Variants in GPC6 observed in about 807,000 individuals in gnomAD.
The protein encoded by GPC6 is glypican-6.
In GPC6, 14 loss-of-function variants were observed where a neutral mutation model predicts 55.2. The ratio of observed to expected loss-of-function variants is 0.25; its 90% CI spans 0.17 to 0.40. GPC6 has a LOEUF of 0.40. Ranked by LOEUF, GPC6 falls within the 10% of genes least tolerant of loss-of-function variation. GPC6 has a pLI of 1.00. For synonymous variants in GPC6, 278 were observed against 259.6 expected, an observed-to-expected ratio of 1.07 and a Z score of -0.68; for missense variants, 641 against 708.5, an observed-to-expected ratio of 0.90 and a Z score of 1.08.
In GPC6 at chr13:94,139,794, G is replaced by T. The variant is rs187232168; in HGVS notation, c.877+111900G>T. Among the ~76,000 whole-genome samples the T allele has an allele frequency of 5.9e-5, 9 of 152,270 alleles. No individual in the cohort carries two copies. The East Asian group carries it at 1.7e-3, about 29-fold the overall frequency. On this transcript the variant is annotated intron_variant, in intron 4 of 8. Coordinates refer to ENST00000377047, the MANE Select transcript of GPC6 (RefSeq NM_005708.5). The stretch of plus-strand genomic sequence containing the variant: ...CTGCAAACACAGCTTCTACTGACTA[G>T]CAAGACCCCTGCCTGTTTCCTTAGT...
intron 4 of GPC6, among the ~76,000 whole-genome samples, chr13:94,037,922 T>C (rs1883396252): frequency 6.6e-6 from 1 of 152,034 alleles, no homozygotes; most frequent in Non-Finnish European, 1.5e-5. Flanking sequence ...GGTTGAATGC[T>C]TGACATATGT....
At chr13:93,217,278 C>T in the GPC6 span, among the ~76,000 whole-genome samples, 1 of 152,130 alleles carries the variant, frequency 6.6e-6, no homozygotes, top group African/African-American at 2.4e-5. Context: ...AAAGGAAAAG[C>T]CAAATAGTTT....
intron 2 of GPC6, among the ~76,000 whole-genome samples, chr13:93,639,867 T>G (rs571897667): frequency 6.6e-6 from 1 of 152,178 alleles, no homozygotes; most frequent in Non-Finnish European, 1.5e-5. Flanking sequence ...TTAGCATTAC[T>G]GTAATTATAA....
intron 2 of GPC6, among the ~76,000 whole-genome samples, chr13:93,706,117 TTCTC>T (rs1259399264): frequency 6.6e-6 from 1 of 151,860 alleles, no homozygotes; most frequent in Non-Finnish European, 1.5e-5. Context: ...CATGGATTCT[TTCTC>T]AATTGTCTTT....
chr13:93,817,261 A>G (rs1886886021), intron 2 of GPC6, among the ~76,000 whole-genome samples: 1 of 152,368 alleles, frequency 6.6e-6, no homozygotes, highest in Admixed American at 6.5e-5. Flanking sequence ...TTGGAATAGT[A>G]GCTGACTGAT....
chr13:93,893,930 T>G lies in GPC6; in HGVS notation c.711+63385T>G, dbSNP rs1016003244. On this transcript the variant is annotated intron_variant, in intron 3 of 8. Transcript: ENST00000377047. ...TAACCATTATCCAAGGCCTCTCACCTTTTCCTCAATTAAGAACACCGGTCC... is the reference window on the plus strand; with the variant it reads ...TAACCATTATCCAAGGCCTCTCACCGTTTCCTCAATTAAGAACACCGGTCC... Among the ~76,000 whole-genome samples the G allele has an allele frequency of 5.3e-5, 8 of 152,264 alleles. No homozygotes were observed. The East Asian group carries it at 1.5e-3, about 29-fold the overall frequency.
At chr13:93,453,302 C>T (rs2139304139) in intron 1 of GPC6, among the ~76,000 whole-genome samples, 1 of 152,172 alleles carries the variant, frequency 6.6e-6, no homozygotes, top group East Asian at 1.9e-4. Context: ...CTTTCCATTC[C>T]TACCTTTCTT....
chr13:93,953,706 G>T (rs1014507031), intron 3 of GPC6, among the ~76,000 whole-genome samples: 4 of 152,104 alleles, frequency 2.6e-5, no homozygotes, highest in Admixed American at 1.3e-4. Context: ...TGGCCAGACC[G>T]TATGTATTAC....
intron 1 of GPC6, among the ~76,000 whole-genome samples, chr13:93,379,114 C>T (rs529988507): frequency 1.0e-3 from 152 of 152,140 alleles, no homozygotes; most frequent in Middle Eastern, 3.4e-3. Flanking sequence ...TACAAATTTC[C>T]GTAATGCACC....
At chr13:93,265,390 A>C (rs925167905) in intron 1 of GPC6, among the ~76,000 whole-genome samples, 1 of 152,242 alleles carries the variant, frequency 6.6e-6, no homozygotes, top group Non-Finnish European at 1.5e-5. Flanking sequence ...GAGTACTCGC[A>C]TGACACCATA....
At chr13:94,052,633 G>A (rs776787359) in intron 4 of GPC6, among the ~76,000 whole-genome samples, 8 of 151,914 alleles carry the variant, frequency 5.3e-5, no homozygotes, top group Non-Finnish European at 8.8e-5. Flanking sequence ...GCCTTACATC[G>A]TTTAACAATT....
At chr13:94,014,573 A>G (rs1882384776) in intron 3 of GPC6, among the ~76,000 whole-genome samples, 1 of 152,286 alleles carries the variant, frequency 6.6e-6, no homozygotes. Flanking sequence ...AGTTTTTAGT[A>G]TATTTACGGT....
At chr13:93,264,653 C>T (rs953535689) in intron 1 of GPC6, among the ~76,000 whole-genome samples, 2 of 152,076 alleles carry the variant, frequency 1.3e-5, no homozygotes, top group African/African-American at 4.8e-5. Flanking sequence ...CCTCTTTGGC[C>T]TTCCAAAGTG....
At chr13:93,676,129 ATATATATAT>A (rs1881606120) in intron 2 of GPC6, among the ~76,000 whole-genome samples, 37 of 7,236 alleles carry the variant, frequency 5.1e-3, no homozygotes, top group African/African-American at 6.7e-3. Flanking sequence ...AAAAAAAAAT[ATATATATAT>A]ATATATATAT....
intron 3 of GPC6, among the ~76,000 whole-genome samples, chr13:93,898,940 A>AATAAATATATATATATATATATATAT (rs1876179596): frequency 7.3e-6 from 1 of 136,664 alleles, no homozygotes; most frequent in African/African-American, 2.7e-5. Flanking sequence ...ATTATATATA[A>AATAAATATATATATATATATATATAT]ATATATATAT....
intron 3 of GPC6, among the ~76,000 whole-genome samples, chr13:93,886,204 A>G (rs961837989): frequency 6.6e-6 from 1 of 152,094 alleles, no homozygotes. Context: ...GGATTTTAGA[A>G]TATGGTCTTG....
chr13:93,780,767 A>G (rs1038798896), intron 2 of GPC6, among the ~76,000 whole-genome samples: 2 of 152,074 alleles, frequency 1.3e-5, no homozygotes, highest in African/African-American at 2.4e-5. Flanking sequence ...TTGAACATCT[A>G]TTTTGGTCAT....
At chr13:94,198,431 A>G (rs562630705) in intron 4 of GPC6, among the ~76,000 whole-genome samples, 22 of 152,350 alleles carry the variant, frequency 1.4e-4, no homozygotes, top group Non-Finnish European at 2.6e-4. Flanking sequence ...TGATTTGGTA[A>G]AATTAGCAAA....
intron 1 of GPC6, among the ~76,000 whole-genome samples, chr13:93,326,099 C>T (rs1460842233): frequency 6.6e-6 from 1 of 152,046 alleles, no homozygotes; most frequent in Non-Finnish European, 1.5e-5. Context: ...GCACTCAGCA[C>T]CACAGGGAAA....
Sources: allele counts gnomAD v4.1 joint callset (sites outside exome capture counted in the v4.1 genomes callset), GRCh38; gene constraint gnomAD v4.1.1; transcripts MANE v1.5; gene names NCBI Gene and HGNC (gene_info 2026-07-23, HGNC 2026-07-21).